CFAP418: variants seen among roughly 807,000 people sequenced by gnomAD.
CFAP418 encodes cilia and flagella associated protein 418.
A neutral mutation model predicts 24.7 loss-of-function variants in CFAP418; 27 were observed. The ratio of observed to expected loss-of-function variants is 1.09; its 90% CI spans 0.81 to 1.51. The LOEUF is 1.51. CFAP418 is among the 40% of genes most tolerant of loss of function. The pLI, the probability that CFAP418 is intolerant of heterozygous loss-of-function variation, is 0.00. For missense variants in CFAP418, 257 were observed against 255.2 expected (o/e 1.01, Z -0.05); for synonymous variants, 74 against 87.3 (o/e 0.85, Z 0.85).
At chr8:95,255,024 G>A (rs1275192969) in intron 4 of CFAP418, among the ~76,000 whole-genome samples, 2 of 152,104 alleles carry the variant, frequency 1.3e-5, no homozygotes, top group African/African-American at 4.8e-5. Context: ...TACCACGCAG[G>A]TCACAGCTCC....
intron 5 of CFAP418, among the ~76,000 whole-genome samples, chr8:95,248,681 A>C (rs1224387241): frequency 6.6e-6 from 1 of 152,248 alleles, no homozygotes; most frequent in Non-Finnish European, 1.5e-5. Context: ...TAAAAACATC[A>C]ATTATGATTT....
In CFAP418 at chr8:95,253,961, C is replaced by T. The variant is rs183496467; in HGVS notation, c.375-1678G>A. Among the ~76,000 whole-genome samples, 229 of 152,310 alleles carry T rather than the reference C, an allele frequency of 1.5e-3. 1 individual carries two copies. The highest frequency in any genetic ancestry group is 2.5e-3 in the Non-Finnish European group (169 of 68,016). On this transcript the variant is annotated intron_variant, in intron 4 of 5. Transcript: ENST00000286688. ...ACATTTTGTATGTGTAAAATCTCAA[C>T]CATAATGCTAAATACAGCTTTTTAA...
Position 95,268,871 on chromosome 8 carries a change from C to T in CFAP418, c.155+164G>A, listed in dbSNP as rs564636740. Reference sequence around the variant, plus strand: ...TGCCAGAATCCGCGAAGAGGGTCGACGAATGCGCTGCCGCGGAGGGTAGGG... The same window carrying T: ...TGCCAGAATCCGCGAAGAGGGTCGATGAATGCGCTGCCGCGGAGGGTAGGG... On this transcript the variant is annotated intron_variant, in intron 1 of 5. Transcript: ENST00000286688. The T allele has an allele frequency of 5.5e-5, 40 of 728,194 alleles. 1 individual carries two copies. In the South Asian group the frequency reaches 7.3e-4, roughly 13 times the overall value. The allele number at this position is 728,194 out of a possible 1,614,324, so 45.1% of individuals were successfully genotyped here. A position where few individuals can be genotyped will look rare whatever the true frequency, so the allele number is the denominator to read the frequency against.
intron 2 of CFAP418, among the ~76,000 whole-genome samples, chr8:95,263,427 C>T (rs927820841): frequency 2.0e-5 from 3 of 152,114 alleles, no homozygotes; most frequent in African/African-American, 7.2e-5. Context: ...AAGTGACCAG[C>T]TTGATGTGTG....
Position 95,247,345 on chromosome 8 carries a change from C to A in CFAP418, c.*272G>T. ...AGATATTTGTATGGAACTCCATAAT[C>A]AAACCTCTATTAAACAGAAGACAGA... On this transcript the variant is annotated 3_prime_UTR_variant, in exon 6 of 6. Transcript: ENST00000286688. The A allele has an allele frequency of 2.4e-6, 1 of 409,350 alleles. No individual in the cohort carries two copies. The highest frequency in any genetic ancestry group is 4.4e-6 in the Non-Finnish European group (1 of 227,462). The allele number at this position is 409,350 out of a possible 1,614,324, so 25.4% of individuals were successfully genotyped here.
chr8:95,264,332 A>G (rs2132164893), intron 1 of CFAP418, among the ~76,000 whole-genome samples: 1 of 152,354 alleles, frequency 6.6e-6, no homozygotes, highest in East Asian at 1.9e-4. Flanking sequence ...GATTATTAAT[A>G]TAAACCACTA....
At chr8:95,265,907 C>T (rs1001137656) in intron 1 of CFAP418, among the ~76,000 whole-genome samples, 3 of 152,142 alleles carry the variant, frequency 2.0e-5, no homozygotes, top group Non-Finnish European at 2.9e-5. Context: ...TAAGCTTTTA[C>T]TGGTTCCCTT....
At chr8:95,268,964 C>A in intron 1 of CFAP418, 71 bp downstream of exon 1, 1 of 1,510,406 alleles carries the variant, frequency 6.6e-7, no homozygotes, top group Non-Finnish European at 9.0e-7. Flanking sequence ...TTGGGTTGGG[C>A]GGCGGAGGGG....
At chr8:95,257,793 G>A (rs1365563581) in intron 4 of CFAP418, among the ~76,000 whole-genome samples, 1 of 152,094 alleles carries the variant, frequency 6.6e-6, no homozygotes, top group Non-Finnish European at 1.5e-5. Flanking sequence ...CTATGTTACT[G>A]GTTCATACTT....
Position 95,260,379 on chromosome 8 carries a change from G to A in CFAP418, c.308+89C>T, listed in dbSNP as rs958764346. On this transcript the variant is annotated intron_variant, in intron 3 of 5. Coordinates refer to ENST00000286688, the MANE Select transcript of CFAP418 (RefSeq NM_177965.4). ...CAATGCTTTGTTGTTCAATGTCACT[G>A]CTGTTTAAATGGTAACAAAATCTAC... 3.2e-6 allele frequency: 3 copies of A among 937,394 alleles called. No individual in the cohort carries two copies. The African/African-American group carries it at 5.2e-5, about 16-fold the overall frequency. The allele number at this position is 937,394 out of a possible 1,614,324, so 58.1% of individuals were successfully genotyped here.
chr8:95,249,873 G>A (rs554039637), intron 5 of CFAP418, among the ~76,000 whole-genome samples: 55 of 152,190 alleles, frequency 3.6e-4, no homozygotes, highest in South Asian at 2.5e-3. Context: ...AAACCAGGTC[G>A]CCAGGTATGA....
intron 5 of CFAP418, 113 bp downstream of exon 5, chr8:95,252,075 T>C: frequency 1.4e-6 from 1 of 726,240 alleles, no homozygotes; most frequent in South Asian, 1.8e-5. Context: ...ATGACTATAC[T>C]GAAGAGGTGA....
chr8:95,268,639 C>G (rs1400559204), intron 1 of CFAP418, among the ~76,000 whole-genome samples: 1 of 151,948 alleles, frequency 6.6e-6, no homozygotes, highest in Non-Finnish European at 1.5e-5. Flanking sequence ...GCACAGCCCT[C>G]TCGGGGTTAA....
chr8:95,268,838 T>A lies in CFAP418; in HGVS notation c.155+197A>T. On this transcript the variant is annotated intron_variant, in intron 1 of 5. Transcript: ENST00000286688. The stretch of plus-strand genomic sequence containing the variant: ...GCCGGGGGGCGGAGTCTGCGCTGAG[T>A]GAAGAGGTGCCAGAATCCGCGAAGA... The A allele has an allele frequency of 5.3e-6, 3 of 564,178 alleles. No homozygotes were observed. In the East Asian group the frequency reaches 9.1e-5, roughly 17 times the overall value. The allele number at this position is 564,178 out of a possible 1,614,324, so 34.9% of individuals were successfully genotyped here. A position where few individuals can be genotyped will look rare whatever the true frequency, so the allele number is the denominator to read the frequency against.
At chr8:95,257,920 C>G (rs149611221) in intron 4 of CFAP418, among the ~76,000 whole-genome samples, 59 of 152,214 alleles carry the variant, frequency 3.9e-4, no homozygotes, top group African/African-American at 1.3e-3. Flanking sequence ...GAAGAAGGCA[C>G]ACTGTTACTA....
chr8:95,260,435 T>G (rs760875811), intron 3 of CFAP418, 33 bp downstream of exon 3: 2 of 1,454,796 alleles, frequency 1.4e-6, no homozygotes, highest in Admixed American at 2.1e-5. Flanking sequence ...TGCTCAATAG[T>G]GTGTATAATT....
chr8:95,264,795 C>T (rs554500987), intron 1 of CFAP418, among the ~76,000 whole-genome samples: 23 of 152,294 alleles, frequency 1.5e-4, no homozygotes, highest in South Asian at 4.1e-4. Context: ...AAGCAAGAGA[C>T]GGCTGCCTAC....
intron 1 of CFAP418, among the ~76,000 whole-genome samples, chr8:95,267,115 T>C (rs1009116647): frequency 2.0e-5 from 3 of 152,216 alleles, no homozygotes; most frequent in Admixed American, 2.0e-4. Context: ...GTACACAAGA[T>C]AATAAAAGTT....
intron 5 of CFAP418, 54 bp from the exon 6 acceptor site, chr8:95,247,824 A>G (rs1811647153): frequency 2.0e-5 from 25 of 1,267,058 alleles, no homozygotes; most frequent in Admixed American, 2.8e-5. Context: ...GTGCTTAATG[A>G]TTAAAAAAAA....
Sources: gnomAD v4.1 joint callset for allele counts (sites outside exome capture counted in the v4.1 genomes callset) on GRCh38, gnomAD v4.1.1 for gene constraint, MANE v1.5 for transcripts, NCBI Gene and HGNC (gene_info 2026-07-23, HGNC 2026-07-21) for gene names.